Variants in RNGTT observed in about 807,000 individuals in gnomAD.
RNGTT encodes RNA guanylyltransferase and 5'-phosphatase, also known as mRNA-capping enzyme.
In RNGTT, 33 loss-of-function variants were observed where a neutral mutation model predicts 79.3. The ratio of observed to expected loss-of-function variants is 0.42; its 90% confidence interval spans 0.32 to 0.56. The LOEUF (loss-of-function observed/expected upper bound fraction) is 0.56, where lower values mean the gene tolerates loss of function less well. RNGTT is among the 20% of genes least tolerant of loss of function. The probability of loss-of-function intolerance (pLI) is 0.17; values close to 1 mark genes in which losing one functional copy is unlikely to be tolerated. For missense variants in RNGTT, 497 were observed against 739.1 expected (o/e 0.67, Z 3.80); for synonymous variants, 222 against 235.9 (o/e 0.94, Z 0.54).
chr6:88,849,399 T>C (rs1043529562), intron 10 of RNGTT, among the ~76,000 whole-genome samples: 2 of 152,044 alleles, frequency 1.3e-5, no homozygotes, highest in African/African-American at 4.8e-5. Flanking sequence ...GTTTCTCTTT[T>C]GTTTTGTTGC....
chr6:88,956,425 A>C (rs1203367182), intron 1 of RNGTT, among the ~76,000 whole-genome samples: 2 of 152,170 alleles, frequency 1.3e-5, no homozygotes, highest in Non-Finnish European at 2.9e-5. Context: ...AAAAATTTTA[A>C]GTGCAGGACC....
At chr6:88,771,350 T>TATATATATAC (rs376503141) in intron 12 of RNGTT, among the ~76,000 whole-genome samples, 108 of 116,210 alleles carry the variant, frequency 9.3e-4, no homozygotes, top group African/African-American at 2.2e-3. Flanking sequence ...TATATATATA[T>TATATATATAC]ACACACACAC....
chr6:88,611,709 G>A lies in RNGTT; in HGVS notation c.*1010C>T, dbSNP rs1338499241. Reference sequence around the variant, plus strand: ...TGCCTCTGCATTTATCTAGCAGTGGGAGAGCATTTTCTGGTGACAGCATTC... The same window carrying A: ...TGCCTCTGCATTTATCTAGCAGTGGAAGAGCATTTTCTGGTGACAGCATTC... On this transcript the variant is annotated 3_prime_UTR_variant, in exon 16 of 16. Coordinates refer to ENST00000369485, the MANE Select transcript of RNGTT (RefSeq NM_003800.5). 6.6e-6 allele frequency: 1 copy of A among 152,618 alleles called. No homozygotes were observed. The highest frequency in any genetic ancestry group is 1.5e-5 in the Non-Finnish European group (1 of 68,044). 9.5% of individuals were successfully genotyped at this position (152,618 alleles called of 1,614,324 possible).
chr6:88,734,671 A>C (rs1217786485), intron 13 of RNGTT, among the ~76,000 whole-genome samples: 1 of 152,180 alleles, frequency 6.6e-6, no homozygotes, highest in Non-Finnish European at 1.5e-5. Context: ...TGGAGTACAG[A>C]TGGTTCCTGA....
chr6:88,857,091 G>A (rs556763359), intron 8 of RNGTT, among the ~76,000 whole-genome samples: 40 of 152,198 alleles, frequency 2.6e-4, no homozygotes, highest in African/African-American at 9.4e-4. Flanking sequence ...CTACTTTACT[G>A]TAAATGCAGG....
chr6:88,836,869 C>T (rs887673200), intron 11 of RNGTT, among the ~76,000 whole-genome samples: 1 of 151,968 alleles, frequency 6.6e-6, no homozygotes, highest in African/African-American at 2.4e-5. Flanking sequence ...TTCTCAACTT[C>T]TTGGCTAAGA....
At chr6:88,836,807 A>G (rs1767159772) in intron 11 of RNGTT, among the ~76,000 whole-genome samples, 1 of 152,128 alleles carries the variant, frequency 6.6e-6, no homozygotes, top group East Asian at 1.9e-4. Flanking sequence ...TTAATCTAAA[A>G]GTTCATGGGA....
intron 13 of RNGTT, among the ~76,000 whole-genome samples, chr6:88,723,480 T>C (rs749797713): frequency 1.3e-5 from 2 of 152,204 alleles, no homozygotes; most frequent in Non-Finnish European, 2.9e-5. Context: ...CTTTGCAACA[T>C]TATTTTCATA....
chr6:88,763,107 T>C (rs1283657915), intron 13 of RNGTT, among the ~76,000 whole-genome samples: 1 of 129,830 alleles, frequency 7.7e-6, no homozygotes, highest in Admixed American at 7.5e-5. Context: ...TTTTTTTTTT[T>C]TTTTTTGTAT....
intron 14 of RNGTT, among the ~76,000 whole-genome samples, chr6:88,615,512 T>A (rs979986472): frequency 6.6e-6 from 1 of 152,174 alleles, no homozygotes; most frequent in Admixed American, 6.5e-5. Context: ...AAAAGTGATA[T>A]TCCAAGTAGC....
chr6:88,744,135 C>A (rs949938676), intron 13 of RNGTT, among the ~76,000 whole-genome samples: 3 of 152,136 alleles, frequency 2.0e-5, no homozygotes, highest in African/African-American at 7.2e-5. Context: ...TTCATGAGTT[C>A]ATCATCTCCT....
intron 11 of RNGTT, among the ~76,000 whole-genome samples, chr6:88,804,051 A>G (rs936735657): frequency 1.3e-5 from 2 of 152,200 alleles, no homozygotes; most frequent in Admixed American, 6.5e-5. Flanking sequence ...TCAAAGACCT[A>G]CAATGGAGTG....
chr6:88,752,645 T>C (rs1402086188), intron 13 of RNGTT, among the ~76,000 whole-genome samples: 1 of 152,130 alleles, frequency 6.6e-6, no homozygotes, highest in East Asian at 1.9e-4. Flanking sequence ...ATATATACAA[T>C]ACAAACTTAG....
At chr6:88,883,730 TAAGGA>T (rs1397368108) in intron 8 of RNGTT, among the ~76,000 whole-genome samples, 1 of 152,150 alleles carries the variant, frequency 6.6e-6, no homozygotes, top group Non-Finnish European at 1.5e-5. Flanking sequence ...AATCTCAGTA[TAAGGA>T]AAGGCTTTCT....
chr6:88,931,821 TTTAATCTC>T (rs1234644306), intron 2 of RNGTT, among the ~76,000 whole-genome samples: 2 of 152,202 alleles, frequency 1.3e-5, no homozygotes, highest in African/African-American at 4.8e-5. Context: ...CTGTCTTTAC[TTTAATCTC>T]TTAATCCCAT....
rs575268500 is a variant in RNGTT at position 88,736,554 on chromosome 6, T to C, written c.1439+33220A>G. ...CAAAGTATTAAAAGAGAAGCTTGGT[T>C]ACTCCTTATGGCTTATAGTAAAATG... is the stretch of plus-strand genomic sequence containing the variant. On this transcript the variant is annotated intron_variant, in intron 13 of 15. Coordinates refer to ENST00000369485, the MANE Select transcript of RNGTT (RefSeq NM_003800.5). 6.0e-4 allele frequency among the ~76,000 whole-genome samples: 91 copies of C among 152,318 alleles called. 2 individuals carry two copies. Among genetic ancestry groups the C allele is most frequent in the African/African-American group, 2.1e-3 (89 of 41,574 alleles).
At chr6:88,803,519 G>A (rs959313518) in intron 11 of RNGTT, among the ~76,000 whole-genome samples, 2 of 147,636 alleles carry the variant, frequency 1.4e-5, no homozygotes, top group African/African-American at 2.5e-5. Flanking sequence ...GGAGGTTGCA[G>A]TGAGCCAAGA....
At chr6:88,615,227 T>G (rs541038590) in intron 14 of RNGTT, among the ~76,000 whole-genome samples, 2 of 152,204 alleles carry the variant, frequency 1.3e-5, no homozygotes, top group Non-Finnish European at 2.9e-5. Context: ...GGCTAACAAC[T>G]TTTCCTCACA....
At chr6:88,618,903 C>T (rs1047687223) in intron 14 of RNGTT, among the ~76,000 whole-genome samples, 16 of 152,170 alleles carry the variant, frequency 1.1e-4, no homozygotes, top group East Asian at 9.6e-4. Flanking sequence ...TTTTCTGTAT[C>T]CTCCATTCCT....
Sources: allele counts gnomAD v4.1 joint callset (sites outside exome capture counted in the v4.1 genomes callset), GRCh38; gene constraint gnomAD v4.1.1; transcripts MANE v1.5; gene names NCBI Gene and HGNC (gene_info 2026-07-23, HGNC 2026-07-21).